Variants in KCNK10 observed in about 807,000 individuals in gnomAD.
KCNK10 encodes the protein potassium two pore domain channel subfamily K member 10.
In KCNK10, 25 loss-of-function variants were observed where a neutral mutation model predicts 47.7. That is an observed-to-expected ratio of 0.52 (90% CI 0.38 to 0.73). The LOEUF is 0.73. KCNK10 is among the 30% of genes least tolerant of loss of function. KCNK10 has a pLI of 0.00. For missense variants in KCNK10, 563 were observed against 714.5 expected (o/e 0.79, Z 2.42); for synonymous variants, 303 against 285.6 (o/e 1.06, Z -0.61).
chr14:88,202,079 A>G (rs1885120600), intron 4 of KCNK10, among the ~76,000 whole-genome samples: 1 of 152,256 alleles, frequency 6.6e-6, no homozygotes, highest in African/African-American at 2.4e-5. Flanking sequence ...AGTTCTTCTC[A>G]GAGGACCAGA....
intron 2 of KCNK10, among the ~76,000 whole-genome samples, chr14:88,259,050 T>C (rs1887038308): frequency 6.6e-6 from 1 of 152,232 alleles, no homozygotes. Flanking sequence ...TTGGGTGAGA[T>C]ACAATAGTAC....
chr14:88,307,304 T>C (rs1888223597), intron 1 of KCNK10, among the ~76,000 whole-genome samples: 1 of 149,402 alleles, frequency 6.7e-6, no homozygotes, highest in South Asian at 2.2e-4. Context: ...CTTGAAAGCA[T>C]TATGTTACGT....
intron 2 of KCNK10, among the ~76,000 whole-genome samples, chr14:88,255,404 C>T (rs1886923249): frequency 6.6e-6 from 1 of 152,006 alleles, no homozygotes; most frequent in Admixed American, 6.6e-5. Flanking sequence ...ATGATTGAAC[C>T]TACTTCAGAC....
Position 88,314,497 on chromosome 14 carries a change from A to G in KCNK10, c.52+8250T>C, listed in dbSNP as rs57738253. On this transcript the variant is annotated intron_variant, in intron 1 of 6. Coordinates refer to ENST00000319231, the MANE Select transcript of KCNK10 (RefSeq NM_138317.3). ...ATCAACTATGATACACTGCTAATAA[A>G]ATGGGTACATTAACTCAGACTCAAA... Among the ~76,000 whole-genome samples, 851 of 152,354 alleles carry G rather than the reference A, an allele frequency of 5.6e-3. 11 individuals are homozygous for G. The highest frequency in any genetic ancestry group is 0.019 in the African/African-American group (799 of 41,588).
intron 4 of KCNK10, among the ~76,000 whole-genome samples, chr14:88,218,862 T>C (rs1237983128): frequency 6.6e-6 from 1 of 152,184 alleles, no homozygotes; most frequent in Non-Finnish European, 1.5e-5. Context: ...AATAAGCAGA[T>C]ATTTGGGATG....
chr14:88,252,567 T>C (rs1475821491), intron 2 of KCNK10, among the ~76,000 whole-genome samples: 3 of 152,264 alleles, frequency 2.0e-5, no homozygotes, highest in Non-Finnish European at 2.9e-5. Context: ...GTTCATAATA[T>C]CTAGTCCTCT....
intron 4 of KCNK10, among the ~76,000 whole-genome samples, chr14:88,206,873 T>C (rs553929316): frequency 2.0e-5 from 3 of 152,360 alleles, no homozygotes; most frequent in African/African-American, 7.2e-5. Flanking sequence ...TTCATAAATA[T>C]ATGCTATAAA....
chr14:88,264,969 C>A (rs1887214545), intron 1 of KCNK10, among the ~76,000 whole-genome samples: 1 of 152,196 alleles, frequency 6.6e-6, no homozygotes, highest in Admixed American at 6.5e-5. Flanking sequence ...CACTGTATTT[C>A]ATCCCTTGGG....
At chr14:88,264,221 A>G (rs1451246268) in intron 1 of KCNK10, among the ~76,000 whole-genome samples, 4 of 152,220 alleles carry the variant, frequency 2.6e-5, no homozygotes, top group Admixed American at 6.5e-5. Context: ...AGAATTCTCT[A>G]AGGTCCCTGT....
intron 1 of KCNK10, among the ~76,000 whole-genome samples, chr14:88,304,824 TAAC>T (rs2139793532): frequency 6.6e-6 from 1 of 152,332 alleles, no homozygotes; most frequent in African/African-American, 2.4e-5. Context: ...AGTTCAATGC[TAAC>T]AAATCAACAG....
At chr14:88,254,886 G>A (rs903418527) in intron 2 of KCNK10, among the ~76,000 whole-genome samples, 15 of 152,266 alleles carry the variant, frequency 9.9e-5, no homozygotes, top group Admixed American at 4.6e-4. Flanking sequence ...GAAGAAAGAC[G>A]GGTGGGAGAA....
rs772181533 is a variant in KCNK10 at position 88,184,444 on chromosome 14, T to C, written c.*1091A>G. 6.6e-6 allele frequency: 1 copy of C among 152,386 alleles called. No individual in the cohort carries two copies. The highest frequency in any genetic ancestry group is 1.5e-5 in the Non-Finnish European group (1 of 68,046). The allele number at this position is 152,386 out of a possible 1,614,324, so 9.4% of individuals were successfully genotyped here. A position where few individuals can be genotyped will look rare whatever the true frequency, so the allele number is the denominator to read the frequency against. On this transcript the variant is annotated 3_prime_UTR_variant, in exon 7 of 7. Coordinates refer to ENST00000319231, the MANE Select transcript of KCNK10 (RefSeq NM_138317.3). ...AGCTTACTGTACAAGGGGTACATTTTCTTTTTGTTTGGAGATAGCGAGATT... is the reference window on the plus strand; with the variant it reads ...AGCTTACTGTACAAGGGGTACATTTCCTTTTTGTTTGGAGATAGCGAGATT...
chr14:88,205,542 CTTTTTTTTTTTT>C (rs200265659), intron 4 of KCNK10, among the ~76,000 whole-genome samples: 1,413 of 115,790 alleles, frequency 0.012, 16 homozygotes, highest in South Asian at 0.02. Context: ...CTTTTCTTTT[CTTTTTTTTTTTT>C]TTTTTTTTGA....
intron 1 of KCNK10, among the ~76,000 whole-genome samples, chr14:88,265,756 G>A (rs8013030): frequency 0.37 from 55,944 of 151,982 alleles, 12,175 homozygotes; most frequent in East Asian, 0.6. Flanking sequence ...GTTTTTCCCC[G>A]TGCTGTTCTC....
At chr14:88,318,063 A>G (rs1302360754) in intron 1 of KCNK10, among the ~76,000 whole-genome samples, 1 of 152,222 alleles carries the variant, frequency 6.6e-6, no homozygotes, top group Admixed American at 6.5e-5. Context: ...CGGGTCAAAG[A>G]CGAGAAAAGA....
intron 3 of KCNK10, among the ~76,000 whole-genome samples, chr14:88,232,881 C>T (rs1248722559): frequency 6.6e-6 from 1 of 152,220 alleles, no homozygotes; most frequent in Non-Finnish European, 1.5e-5. Flanking sequence ...CTGCCTCCCA[C>T]CACAGAGGAA....
intron 1 of KCNK10, among the ~76,000 whole-genome samples, chr14:88,268,102 A>G (rs1051869125): frequency 6.6e-6 from 1 of 152,166 alleles, no homozygotes; most frequent in Non-Finnish European, 1.5e-5. Context: ...ACTAGACTCT[A>G]TGTAAGTCTG....
At chr14:88,211,419 G>A (rs1432503092) in intron 4 of KCNK10, among the ~76,000 whole-genome samples, 2 of 152,174 alleles carry the variant, frequency 1.3e-5, no homozygotes, top group African/African-American at 4.8e-5. Context: ...AAAAGTTCTG[G>A]AGATGATGGT....
intron 1 of KCNK10, among the ~76,000 whole-genome samples, chr14:88,283,234 T>C (rs1887688945): frequency 6.6e-6 from 1 of 152,232 alleles, no homozygotes; most frequent in Non-Finnish European, 1.5e-5. Context: ...GACACATTTA[T>C]GTAAAAAATC....
Sources: allele counts gnomAD v4.1 joint callset (sites outside exome capture counted in the v4.1 genomes callset), GRCh38; gene constraint gnomAD v4.1.1; transcripts MANE v1.5; gene names NCBI Gene and HGNC (gene_info 2026-07-23, HGNC 2026-07-21).